The following MICU1 variants were observed in gnomAD, a reference collection of about 807,000 sequenced individuals.
The protein encoded by MICU1 is mitochondrial calcium uptake 1, also known as calcium uptake protein 1, mitochondrial.
A neutral mutation model predicts 56.8 loss-of-function variants in MICU1; 45 were observed. The observed-to-expected ratio is 0.79, with a 90% CI of 0.62 to 1.02. MICU1 has a LOEUF of 1.02. Among genes scored for constraint, MICU1 ranks in the 50% least tolerant of loss-of-function variants. The probability of loss-of-function intolerance (pLI) is 0.00; values close to 1 mark genes in which losing one functional copy is unlikely to be tolerated. For synonymous variants in MICU1, 186 were observed against 195.1 expected (o/e 0.95, Z 0.39); for missense variants, 504 against 587.1 (o/e 0.86, Z 1.46).
At chr10:72,456,589 C>A (rs1017714084) in intron 8 of MICU1, among the ~76,000 whole-genome samples, 1 of 152,144 alleles carries the variant, frequency 6.6e-6, no homozygotes, top group South Asian at 2.1e-4. Flanking sequence ...TGAGAGACAG[C>A]CAGAATTACC....
intron 1 of MICU1, among the ~76,000 whole-genome samples, chr10:72,599,226 A>G: frequency 6.6e-6 from 1 of 152,232 alleles, no homozygotes; most frequent in Non-Finnish European, 1.5e-5. Context: ...AAAAGAGAGA[A>G]GAGAACAATA....
At chr10:72,600,648 C>CAA (rs71021514) in intron 1 of MICU1, among the ~76,000 whole-genome samples, 2,136 of 105,032 alleles carry the variant, frequency 0.02, 52 homozygotes, top group African/African-American at 0.046. Context: ...GACTCCGTCT[C>CAA]AAAAAAAAAA....
At chr10:72,506,809 C>T (rs1451383546) in intron 6 of MICU1, among the ~76,000 whole-genome samples, 1 of 152,182 alleles carries the variant, frequency 6.6e-6, no homozygotes, top group Non-Finnish European at 1.5e-5. Context: ...ACTAGAGATG[C>T]TTTTAAAAGT....
At chr10:72,584,222 T>C (rs981630542) in intron 1 of MICU1, among the ~76,000 whole-genome samples, 1 of 152,008 alleles carries the variant, frequency 6.6e-6, no homozygotes, top group African/African-American at 2.4e-5. Flanking sequence ...TAAAACACCA[T>C]ACAGCCTTTT....
At chr10:72,523,781 A>G in intron 5 of MICU1, 1 of 1,444,918 alleles carries the variant, frequency 6.9e-7, no homozygotes, top group South Asian at 1.5e-5. Flanking sequence ...CCAAGCCTTC[A>G]AAGATCAATT....
intron 6 of MICU1, among the ~76,000 whole-genome samples, chr10:72,506,077 A>G (rs1867241096): frequency 1.3e-5 from 2 of 152,300 alleles, no homozygotes; most frequent in East Asian, 3.9e-4. Context: ...ACAAACATAG[A>G]AAGTAACTTA....
At chr10:72,516,413 T>C (rs952043507) in intron 5 of MICU1, among the ~76,000 whole-genome samples, 3 of 152,220 alleles carry the variant, frequency 2.0e-5, no homozygotes, top group Non-Finnish European at 4.4e-5. Context: ...TAGTTTCTTT[T>C]GCTGTGTGGA....
At chr10:72,549,337 C>T (rs926081949) in intron 4 of MICU1, among the ~76,000 whole-genome samples, 7 of 151,412 alleles carry the variant, frequency 4.6e-5, no homozygotes, top group African/African-American at 9.7e-5. Context: ...ACTACAGGCA[C>T]GCACCACCGT....
At position 72,497,961 on chromosome 10, in the gene MICU1, G is replaced by C. The variant is rs184656124; in HGVS notation, c.652+10194C>G. Among the ~76,000 whole-genome samples, 17 of 152,292 alleles carry C rather than the reference G, an allele frequency of 1.1e-4. No individual in the cohort carries two copies. The East Asian group carries it at 3.3e-3, about 29-fold the overall frequency. Reference sequence around the variant, plus strand: ...TTCCCACTTCAAGATATTATTTAATGATGTCCTATCCACTGCCTAAGTTTT... The same window carrying C: ...TTCCCACTTCAAGATATTATTTAATCATGTCCTATCCACTGCCTAAGTTTT... On this transcript the variant is annotated intron_variant, in intron 6 of 11. Coordinates refer to ENST00000361114, the MANE Select transcript of MICU1 (RefSeq NM_001195518.2).
At chr10:72,543,516 AAATCAATCC>A (rs1244019879) in intron 4 of MICU1, among the ~76,000 whole-genome samples, 2 of 30,910 alleles carry the variant, frequency 6.5e-5, no homozygotes, top group Non-Finnish European at 1.4e-4. Flanking sequence ...TCAATCAATC[AAATCAATCC>A]ATCAATCAAT....
Position 72,456,849 on chromosome 10 carries a change from T to TTGTGTGTGTG in MICU1, c.933+18241_933+18250dup, listed in dbSNP as rs56262647. 3.5e-3 allele frequency among the ~76,000 whole-genome samples: 470 copies of TTGTGTGTGTG among 134,534 alleles called. 5 individuals carry two copies. The highest frequency in any genetic ancestry group is 0.022 in the Middle Eastern group (6 of 268). The allele number at this position is 134,534 out of a possible 152,430, so 88.3% of individuals were successfully genotyped here. ...GATGCACCACCATGCCGGGCTCATT[T>TTGTGTGTGTG]TGTGTGTGTGTGTGTGTGTGTGTGT... On this transcript the variant is annotated intron_variant, in intron 8 of 11. Coordinates refer to ENST00000361114, the MANE Select transcript of MICU1 (RefSeq NM_001195518.2).
At chr10:72,465,503 CTTTTTTTTTTTTT>C (rs10586216) in intron 8 of MICU1, among the ~76,000 whole-genome samples, 18 of 57,750 alleles carry the variant, frequency 3.1e-4, no homozygotes, top group Admixed American at 6.3e-4. Context: ...CTGTTCAGGT[CTTTTTTTTTTTTT>C]TTTTTTTTTT....
At chr10:72,456,972 T>TGTGTGTGTGTGTGG (rs1357586525) in intron 8 of MICU1, among the ~76,000 whole-genome samples, 85 of 151,056 alleles carry the variant, frequency 5.6e-4, no homozygotes, top group African/African-American at 2.0e-3. Flanking sequence ...TGTGTGTGTG[T>TGTGTGTGTGTGTGG]GTGTGTGTGT....
intron 5 of MICU1, among the ~76,000 whole-genome samples, chr10:72,528,417 A>C (rs1291004486): frequency 6.6e-6 from 1 of 152,250 alleles, no homozygotes. Flanking sequence ...ATAAAATTAT[A>C]TTTACATATT....
At chr10:72,429,772 ATT>A (rs1480970561) in intron 8 of MICU1, among the ~76,000 whole-genome samples, 30 of 152,188 alleles carry the variant, frequency 2.0e-4, no homozygotes, top group Non-Finnish European at 3.8e-4. Flanking sequence ...AATGCCATTC[ATT>A]TTGGCTAATC....
At chr10:72,417,231 T>C (rs1864010184) in intron 9 of MICU1, among the ~76,000 whole-genome samples, 1 of 152,102 alleles carries the variant, frequency 6.6e-6, no homozygotes. Flanking sequence ...GGCGGGTGGA[T>C]CACGAGGTCA....
At chr10:72,611,544 C>T (rs901278384) in intron 1 of MICU1, among the ~76,000 whole-genome samples, 7 of 151,686 alleles carry the variant, frequency 4.6e-5, no homozygotes, top group Non-Finnish European at 1.0e-4. Flanking sequence ...TTGCTTGAAC[C>T]CGGGCGGCAG....
At chr10:72,578,501 T>C (rs1393601080) in intron 1 of MICU1, among the ~76,000 whole-genome samples, 1 of 150,500 alleles carries the variant, frequency 6.6e-6, no homozygotes, top group African/African-American at 2.4e-5. Flanking sequence ...CTGACCTCAG[T>C]TGATCTGCCT....
chr10:72,392,363 A>T (rs1863105755), intron 10 of MICU1, among the ~76,000 whole-genome samples: 1 of 152,162 alleles, frequency 6.6e-6, no homozygotes, highest in Admixed American at 6.5e-5. Context: ...TGAGGTCAGG[A>T]GTTCAAGACC....
Sources: gnomAD v4.1 joint callset for allele counts (sites outside exome capture counted in the v4.1 genomes callset) on GRCh38, gnomAD v4.1.1 for gene constraint, MANE v1.5 for transcripts, NCBI Gene and HGNC (gene_info 2026-07-23, HGNC 2026-07-21) for gene names.